The following RBFOX1 variants were observed in gnomAD, a reference collection of about 807,000 sequenced individuals.
RBFOX1 encodes the protein RNA binding fox-1 homolog 1.
A neutral mutation model predicts 57.7 loss-of-function variants in RBFOX1; 8 were observed. The observed-to-expected ratio is 0.14, with a 90% CI of 0.08 to 0.25. RBFOX1 has a LOEUF of 0.25. RBFOX1 is among the 10% of genes least tolerant of loss of function. The pLI is 1.00. For synonymous variants in RBFOX1, 326 were observed against 222.4 expected (o/e 1.47, Z -4.15); for missense variants, 611 against 548.5 (o/e 1.11, Z -1.14).
intron 3 of RBFOX1, among the ~76,000 whole-genome samples, chr16:6,780,410 T>TTATA (rs1555461307): frequency 1.3e-5 from 1 of 79,224 alleles, no homozygotes. Flanking sequence ...TTATATATAT[T>TTATA]TATATATATT....
rs557478731 is a variant in RBFOX1, at chr16:6,133,300, G to C, written c.-127+113308G>C. Among the ~76,000 whole-genome samples, 17 of 152,288 alleles carry C rather than the reference G, an allele frequency of 1.1e-4. 1 individual carries two copies. The South Asian group carries it at 3.5e-3, about 32-fold the overall frequency. ...TATCTTCCTCGCTTGCCTGATACTGGCTTCCACGTTGCTCTCTCTAGCATG... is the reference window on the plus strand; with the variant it reads ...TATCTTCCTCGCTTGCCTGATACTGCCTTCCACGTTGCTCTCTCTAGCATG... On this transcript the variant is annotated intron_variant, in intron 1 of 15. Transcript: ENST00000550418.
chr16:6,824,710 C>T (rs1019084110), intron 3 of RBFOX1, among the ~76,000 whole-genome samples: 2 of 151,892 alleles, frequency 1.3e-5, no homozygotes, highest in African/African-American at 2.4e-5. Flanking sequence ...TGTATATACT[C>T]TCTGTTTTAC....
intron 4 of RBFOX1, among the ~76,000 whole-genome samples, chr16:7,129,397 G>T (rs2069575056): frequency 6.6e-6 from 1 of 152,120 alleles, no homozygotes; most frequent in Non-Finnish European, 1.5e-5. Flanking sequence ...CATAGGAACA[G>T]TAGCTCAAAG....
intron 2 of RBFOX1, among the ~76,000 whole-genome samples, chr16:5,589,733 G>C (rs545484376): frequency 6.6e-6 from 1 of 152,146 alleles, no homozygotes; most frequent in Non-Finnish European, 1.5e-5. Context: ...TTTAACAAGT[G>C]TAGAGTCTGA....
At chr16:6,694,080 A>G (rs182232094) in intron 3 of RBFOX1, among the ~76,000 whole-genome samples, 148 of 152,314 alleles carry the variant, frequency 9.7e-4, no homozygotes, top group Middle Eastern at 3.4e-3. Context: ...GTTTGAAACA[A>G]ATTTCAATAA....
At chr16:5,276,423 A>G (rs1454101200) in intron 1 of RBFOX1, among the ~76,000 whole-genome samples, 1 of 152,220 alleles carries the variant, frequency 6.6e-6, no homozygotes, top group Non-Finnish European at 1.5e-5. Context: ...CATATGAAAA[A>G]ATGCTCAACA....
At position 6,330,083 on chromosome 16, in the gene RBFOX1, A is replaced by G. The variant is rs376104620; in HGVS notation, c.-64+13026A>G. Among the ~76,000 whole-genome samples, 34 of 152,344 alleles carry G rather than the reference A, an allele frequency of 2.2e-4. No homozygotes were observed. The East Asian group carries it at 6.2e-3, about 28-fold the overall frequency. On this transcript the variant is annotated intron_variant, in intron 2 of 15. Coordinates refer to ENST00000550418, the MANE Select transcript of RBFOX1 (RefSeq NM_018723.4). ...CCCCATGCAAAGAAAGATGAAGAAC[A>G]TGAGCACACTGTACAATAATGTATG...
intron 5 of RBFOX1, among the ~76,000 whole-genome samples, chr16:7,540,145 A>G (rs1823485297): frequency 6.6e-6 from 1 of 152,264 alleles, no homozygotes; most frequent in African/African-American, 2.4e-5. Flanking sequence ...CCTCCTTTCA[A>G]AGGCTCACTC....
intron 4 of RBFOX1, among the ~76,000 whole-genome samples, chr16:7,119,670 C>T (rs62014147): frequency 0.26 from 39,536 of 151,730 alleles, 5,211 homozygotes; most frequent in Middle Eastern, 0.32. Context: ...CAATCTTAAA[C>T]AATCATGATT....
intron 3 of RBFOX1, among the ~76,000 whole-genome samples, chr16:6,957,391 G>C (rs1409442546): frequency 6.7e-6 from 1 of 148,738 alleles, no homozygotes; most frequent in African/African-American, 2.6e-5. Flanking sequence ...AATGTGCTGC[G>C]ACTCACGCTC....
chr16:5,298,091 A>G (rs530612134), intron 1 of RBFOX1, among the ~76,000 whole-genome samples: 3 of 152,296 alleles, frequency 2.0e-5, no homozygotes, highest in Non-Finnish European at 2.9e-5. Flanking sequence ...TTTAAGTAAA[A>G]GATGTGATAA....
intron 4 of RBFOX1, among the ~76,000 whole-genome samples, chr16:5,921,478 G>A (rs2058819945): frequency 6.6e-6 from 1 of 152,190 alleles, no homozygotes; most frequent in African/African-American, 2.4e-5. Flanking sequence ...TATCTGACTT[G>A]ACTGAGAAGG....
rs1382621005 is a variant in RBFOX1, at chr16:7,029,103, C to T, written c.-15-22954C>T. Among the ~76,000 whole-genome samples, 4 of 96,596 alleles carry T rather than the reference C, an allele frequency of 4.1e-5. 1 individual carries two copies. Among genetic ancestry groups the T allele is most frequent in the African/African-American group, 2.0e-4 (4 of 19,978 alleles). The allele number at this position is 96,596 out of a possible 152,430, so 63.4% of individuals were successfully genotyped here. On this transcript the variant is annotated intron_variant, in intron 3 of 15. Coordinates refer to ENST00000550418, the MANE Select transcript of RBFOX1 (RefSeq NM_018723.4). ...ATATACACACACACACACACACACA[C>T]ACACACACACACACACACATATACG...
chr16:7,086,933 C>A (rs55643837), intron 4 of RBFOX1, among the ~76,000 whole-genome samples: 1 of 152,152 alleles, frequency 6.6e-6, no homozygotes, highest in African/African-American at 2.4e-5. Context: ...GGCCCTCCTT[C>A]CCTTTTCCCG....
chr16:7,118,629 C>T (rs967388328), intron 4 of RBFOX1, among the ~76,000 whole-genome samples: 7 of 152,094 alleles, frequency 4.6e-5, no homozygotes, highest in Non-Finnish European at 8.8e-5. Flanking sequence ...CTTATCTTAT[C>T]ACCTCTGTCA....
chr16:7,407,081 T>C (rs188678708), intron 4 of RBFOX1, among the ~76,000 whole-genome samples: 2 of 152,286 alleles, frequency 1.3e-5, no homozygotes, highest in East Asian at 1.9e-4. Context: ...TTTATTTTCA[T>C]AGGTTTTTGG....
intron 4 of RBFOX1, among the ~76,000 whole-genome samples, chr16:5,999,102 A>G (rs2060541677): frequency 6.6e-6 from 1 of 152,214 alleles, no homozygotes; most frequent in Non-Finnish European, 1.5e-5. Context: ...AAGGAGGCTC[A>G]GGAGTCATTA....
chr16:6,054,802 A>G (rs1022236758), intron 1 of RBFOX1, among the ~76,000 whole-genome samples: 21 of 151,968 alleles, frequency 1.4e-4, no homozygotes, highest in African/African-American at 5.1e-4. Context: ...ATTATTTTTG[A>G]GACAGAGTCT....
At chr16:7,161,959 A>G (rs759102261) in intron 4 of RBFOX1, among the ~76,000 whole-genome samples, 12 of 152,214 alleles carry the variant, frequency 7.9e-5, no homozygotes, top group African/African-American at 1.7e-4. Flanking sequence ...TTTCCAGGCA[A>G]TGAACCACTA....
Sources: gnomAD v4.1 joint callset for allele counts (sites outside exome capture counted in the v4.1 genomes callset) on GRCh38, gnomAD v4.1.1 for gene constraint, MANE v1.5 for transcripts, NCBI Gene and HGNC (gene_info 2026-07-23, HGNC 2026-07-21) for gene names.